Variants in FER observed in about 807,000 individuals in gnomAD.
The protein encoded by FER is FER tyrosine kinase.
A neutral mutation model predicts 111.0 loss-of-function variants in FER; 63 were observed. The observed-to-expected ratio is 0.57, with a 90% CI of 0.46 to 0.70. FER has a LOEUF of 0.70. Among genes scored for constraint, FER ranks in the 30% least tolerant of loss-of-function variants. The pLI is 0.00. For missense variants in FER, 914 were observed against 954.0 expected, an observed-to-expected ratio of 0.96 and a Z score of 0.55; for synonymous variants, 327 against 313.9, an observed-to-expected ratio of 1.04 and a Z score of -0.44.
chr5:109,142,829 G>A lies in FER; in HGVS notation c.2049-37918G>A, dbSNP rs114794850. On this transcript the variant is annotated intron_variant, in intron 17 of 19. Coordinates refer to ENST00000281092, the MANE Select transcript of FER (RefSeq NM_005246.4). ...GCATTGAACTCCTTCTTCTGTGGAA[G>A]GTTGTGTTTTATATTAAAATGTGAG... Among the ~76,000 whole-genome samples the A allele has an allele frequency of 7.5e-3, 1,141 of 152,228 alleles. 15 individuals carry two copies. Among genetic ancestry groups the A allele is most frequent in the African/African-American group, 0.026 (1,081 of 41,538 alleles).
At chr5:108,856,252 TC>T (rs1406465118) in intron 5 of FER, among the ~76,000 whole-genome samples, 2 of 152,120 alleles carry the variant, frequency 1.3e-5, no homozygotes, top group African/African-American at 4.8e-5. Flanking sequence ...AAAATGGGGT[TC>T]ACAGACTCCC....
intron 18 of FER, among the ~76,000 whole-genome samples, chr5:109,183,554 C>T (rs1189063235): frequency 1.3e-5 from 2 of 151,876 alleles, no homozygotes; most frequent in African/African-American, 4.9e-5. Context: ...CAATCCAATA[C>T]TTCTTTCATA....
chr5:108,809,019 AT>A (rs1379795755), intron 3 of FER, among the ~76,000 whole-genome samples: 1 of 151,796 alleles, frequency 6.6e-6, no homozygotes, highest in East Asian at 1.9e-4. Context: ...TGCCTTTAAG[AT>A]TTTTTTCTTT....
chr5:109,092,622 G>T (rs1363399942), intron 16 of FER, among the ~76,000 whole-genome samples: 3 of 151,686 alleles, frequency 2.0e-5, no homozygotes, highest in Non-Finnish European at 4.4e-5. Flanking sequence ...ATTTTGGAGA[G>T]GATGTGGAGA....
intron 15 of FER, among the ~76,000 whole-genome samples, chr5:109,045,948 C>T (rs925917869): frequency 9.2e-5 from 14 of 152,286 alleles, no homozygotes; most frequent in South Asian, 2.1e-4. Context: ...TTATAAACAA[C>T]GGGAGTTTCA....
In FER at chr5:109,190,552, T is replaced by C. The variant is rs560841522; in HGVS notation, c.*2977T>C. On this transcript the variant is annotated 3_prime_UTR_variant, in exon 20 of 20. Transcript: ENST00000281092. ...GTTAAATTAACATTTATTACCAACA[T>C]GTGAAACCTAAAATTAATTTTGCAT... is the stretch of plus-strand genomic sequence containing the variant. 1 of 152,270 alleles carries C rather than the reference T, an allele frequency of 6.6e-6. No individual in the cohort carries two copies. The highest frequency in any genetic ancestry group is 6.5e-5 in the Admixed American group (1 of 15,292). The allele number at this position is 152,270 out of a possible 1,614,324, so 9.4% of individuals were successfully genotyped here.
At chr5:108,971,855 G>T (rs1411444518) in intron 13 of FER, among the ~76,000 whole-genome samples, 3 of 152,070 alleles carry the variant, frequency 2.0e-5, no homozygotes, top group Non-Finnish European at 2.9e-5. Context: ...AATATCTCAT[G>T]ATATTTATAT....
Position 108,754,929 on chromosome 5 carries a change from C to T in FER, c.-206+6929C>T, listed in dbSNP as rs148859872. On this transcript the variant is annotated intron_variant, in intron 1 of 19. Transcript: ENST00000281092. ...TCACTCATCCTATGTGGAAGTACCA[C>T]GTATAATATACAGTTCCAAGTGAAG... Among the ~76,000 whole-genome samples, 518 of 152,292 alleles carry T rather than the reference C, an allele frequency of 3.4e-3. 3 individuals are homozygous for T. The highest frequency in any genetic ancestry group is 0.011 in the African/African-American group (474 of 41,558).
intron 17 of FER, among the ~76,000 whole-genome samples, chr5:109,130,566 C>G (rs1358076460): frequency 6.6e-6 from 1 of 151,598 alleles, no homozygotes; most frequent in African/African-American, 2.4e-5. Context: ...TAACTCAATA[C>G]AGATACATGA....
At chr5:108,939,795 A>G (rs1204331126) in intron 10 of FER, among the ~76,000 whole-genome samples, 1 of 152,044 alleles carries the variant, frequency 6.6e-6, no homozygotes, top group Admixed American at 6.6e-5. Flanking sequence ...AATAAATAAA[A>G]TCTTGACTGA....
intron 17 of FER, among the ~76,000 whole-genome samples, chr5:109,105,732 C>A (rs1050181041): frequency 6.6e-6 from 1 of 152,158 alleles, no homozygotes; most frequent in Non-Finnish European, 1.5e-5. Context: ...TGCTCTGTCT[C>A]ATTCAAGTAT....
At chr5:108,854,287 T>A (rs1199153449) in intron 5 of FER, among the ~76,000 whole-genome samples, 1 of 152,210 alleles carries the variant, frequency 6.6e-6, no homozygotes, top group Non-Finnish European at 1.5e-5. Flanking sequence ...ACAGGTATCT[T>A]CTCTTAAAGG....
At chr5:108,954,701 A>ATT in intron 11 of FER, 28 bp from the exon 12 acceptor site, 3 of 1,197,234 alleles carry the variant, frequency 2.5e-6, no homozygotes, top group Non-Finnish European at 1.2e-6. Flanking sequence ...TCTCTAATTT[A>ATT]GTTTTTTTTT....
At chr5:109,012,285 C>T (rs770830019) in intron 13 of FER, among the ~76,000 whole-genome samples, 2 of 152,066 alleles carry the variant, frequency 1.3e-5, no homozygotes, top group Non-Finnish European at 2.9e-5. Flanking sequence ...ACAACTCAGC[C>T]GGTTTAGTGA....
At chr5:108,993,092 C>G (rs893620397) in intron 13 of FER, among the ~76,000 whole-genome samples, 6 of 149,740 alleles carry the variant, frequency 4.0e-5, no homozygotes, top group Admixed American at 6.6e-5. Context: ...ACCTCCCAGA[C>G]GATGGGCGGC....
intron 17 of FER, among the ~76,000 whole-genome samples, chr5:109,141,905 A>G (rs1474732051): frequency 6.6e-6 from 1 of 152,054 alleles, no homozygotes; most frequent in Non-Finnish European, 1.5e-5. Flanking sequence ...TGCCTGGTTT[A>G]TTGTGGTTTT....
At chr5:109,047,844 A>T (rs188871259) in intron 16 of FER, among the ~76,000 whole-genome samples, 41 of 152,306 alleles carry the variant, frequency 2.7e-4, no homozygotes, top group African/African-American at 9.6e-4. Flanking sequence ...CAGTCTATGA[A>T]TATGTCTTGG....
chr5:109,075,428 ATTTTTTTTTT>A (rs749923297), intron 16 of FER, among the ~76,000 whole-genome samples: 1 of 128,544 alleles, frequency 7.8e-6, no homozygotes, highest in African/African-American at 2.9e-5. Flanking sequence ...TTTGCTTAGC[ATTTTTTTTTT>A]TTTTTTTTTG....
intron 13 of FER, among the ~76,000 whole-genome samples, chr5:109,014,174 T>C (rs1471007301): frequency 6.6e-6 from 1 of 151,732 alleles, no homozygotes; most frequent in African/African-American, 2.4e-5. Context: ...ATGTCCTGAA[T>C]GGTAATGCCT....
Sources: gnomAD v4.1 joint callset for allele counts (sites outside exome capture counted in the v4.1 genomes callset) on GRCh38, gnomAD v4.1.1 for gene constraint, MANE v1.5 for transcripts, NCBI Gene and HGNC (gene_info 2026-07-23, HGNC 2026-07-21) for gene names.